The following ERBB4 variants were observed in gnomAD, a reference collection of about 807,000 sequenced individuals.
ERBB4 encodes the protein erb-b2 receptor tyrosine kinase 4, also known as receptor tyrosine-protein kinase erbB-4.
ERBB4 carries 42 observed loss-of-function variants against 158.0 expected under a neutral mutation model. That is an observed-to-expected ratio of 0.27 (90% confidence interval 0.21 to 0.34). The LOEUF (loss-of-function observed/expected upper bound fraction) is 0.34, where lower values mean the gene tolerates loss of function less well. Ranked by LOEUF, ERBB4 falls within the 10% of genes least tolerant of loss-of-function variation. The probability of loss-of-function intolerance (pLI) is 1.00; values close to 1 mark genes in which losing one functional copy is unlikely to be tolerated. For missense variants in ERBB4, 1,333 were observed against 1,624.1 expected, an observed-to-expected ratio of 0.82 and a Z score of 3.08; for synonymous variants, 583 against 558.7, an observed-to-expected ratio of 1.04 and a Z score of -0.61.
intron 3 of ERBB4, among the ~76,000 whole-genome samples, chr2:211,867,611 T>C (rs913310398): frequency 1.5e-4 from 23 of 152,196 alleles, no homozygotes; most frequent in Non-Finnish European, 4.4e-5. Flanking sequence ...TTTCTTTATT[T>C]CTTTAAGAGA....
chr2:211,813,931 G>T (rs2076819888), intron 3 of ERBB4, among the ~76,000 whole-genome samples: 1 of 152,052 alleles, frequency 6.6e-6, no homozygotes, highest in Non-Finnish European at 1.5e-5. Context: ...ATGAATATTT[G>T]TGGGAGTATT....
At chr2:211,611,210 C>T (rs2069180425) in intron 19 of ERBB4, among the ~76,000 whole-genome samples, 1 of 152,002 alleles carries the variant, frequency 6.6e-6, no homozygotes, top group Non-Finnish European at 1.5e-5. Flanking sequence ...GAAACTTCAA[C>T]CAATCATATA....
At chr2:211,446,503 TAA>T (rs752865666) in intron 20 of ERBB4, among the ~76,000 whole-genome samples, 17 of 152,204 alleles carry the variant, frequency 1.1e-4, no homozygotes, top group Non-Finnish European at 2.1e-4. Flanking sequence ...TTTCTATATG[TAA>T]AGTCTTTTTA....
chr2:211,676,882 G>T (rs142304019), intron 13 of ERBB4, among the ~76,000 whole-genome samples: 1 of 152,158 alleles, frequency 6.6e-6, no homozygotes, highest in East Asian at 1.9e-4. Context: ...TTGATCTGAG[G>T]TATTTTATGT....
chr2:212,347,064 T>C (rs1209315802), intron 1 of ERBB4, among the ~76,000 whole-genome samples: 1 of 152,136 alleles, frequency 6.6e-6, no homozygotes, highest in East Asian at 1.9e-4. Context: ...TCATATCAGA[T>C]AGGCCTAAGT....
intron 4 of ERBB4, among the ~76,000 whole-genome samples, chr2:211,757,838 GACATGACAGTGGTAGAAACC>G (rs1256786912): frequency 6.6e-6 from 1 of 152,136 alleles, no homozygotes; most frequent in East Asian, 1.9e-4. Context: ...ATTATGAGGG[GACATGACAGTGGTAGAAACC>G]ACAGCTACAA....
intron 2 of ERBB4, among the ~76,000 whole-genome samples, chr2:212,046,741 G>C (rs2077270860): frequency 6.6e-6 from 1 of 152,138 alleles, no homozygotes; most frequent in African/African-American, 2.4e-5. Context: ...AGATGTAATG[G>C]AAAAATTTCT....
At chr2:211,816,505 C>A (rs1422045665) in intron 3 of ERBB4, among the ~76,000 whole-genome samples, 3 of 136,634 alleles carry the variant, frequency 2.2e-5, no homozygotes, top group Admixed American at 1.6e-4. Context: ...CATACCACTG[C>A]ACTCCAGCCT....
At chr2:211,567,791 T>C (rs2125736510) in intron 19 of ERBB4, among the ~76,000 whole-genome samples, 1 of 152,042 alleles carries the variant, frequency 6.6e-6, no homozygotes, top group East Asian at 1.9e-4. Context: ...GCTTGCATTT[T>C]TTTTTTTTTT....
At chr2:211,749,145 C>T (rs899676723) in intron 5 of ERBB4, among the ~76,000 whole-genome samples, 4 of 152,226 alleles carry the variant, frequency 2.6e-5, no homozygotes, top group Admixed American at 6.5e-5. Flanking sequence ...TGAACTACTT[C>T]GTCCAAAGAA....
At chr2:212,505,717 C>T (rs1444634237) in intron 1 of ERBB4, among the ~76,000 whole-genome samples, 3 of 148,710 alleles carry the variant, frequency 2.0e-5, no homozygotes, top group Non-Finnish European at 4.5e-5. Flanking sequence ...GTCAGTGTTG[C>T]CTATAATACA....
chr2:212,437,775 C>A (rs746731753), intron 1 of ERBB4, among the ~76,000 whole-genome samples: 11 of 152,042 alleles, frequency 7.2e-5, no homozygotes, highest in Non-Finnish European at 1.2e-4. Context: ...TTTGTCCACA[C>A]CATTCTGTTT....
chr2:211,547,021 G>A (rs934468615), intron 20 of ERBB4, among the ~76,000 whole-genome samples: 2 of 152,008 alleles, frequency 1.3e-5, no homozygotes, highest in Admixed American at 1.3e-4. Context: ...ATCTACACAC[G>A]TGATAAAACT....
chr2:211,579,852 G>C (rs1420987392), intron 19 of ERBB4, among the ~76,000 whole-genome samples: 1 of 152,074 alleles, frequency 6.6e-6, no homozygotes. Flanking sequence ...TGCATGCTGG[G>C]CTTAATACCT....
intron 2 of ERBB4, among the ~76,000 whole-genome samples, chr2:212,029,301 T>C (rs1168489929): frequency 1.3e-5 from 2 of 152,024 alleles, no homozygotes; most frequent in Non-Finnish European, 2.9e-5. Flanking sequence ...TCTACCTCCA[T>C]CTTGCCCTTG....
chr2:211,782,776 C>A (rs2076068430), intron 4 of ERBB4, among the ~76,000 whole-genome samples: 1 of 152,102 alleles, frequency 6.6e-6, no homozygotes, highest in Non-Finnish European at 1.5e-5. Context: ...GTTACTGTAG[C>A]CTTGTAGTAC....
chr2:211,954,955 G>A (rs555807160), intron 2 of ERBB4, among the ~76,000 whole-genome samples: 1 of 152,120 alleles, frequency 6.6e-6, no homozygotes, highest in African/African-American at 2.4e-5. Flanking sequence ...GTTTGCTTTG[G>A]AATTCTGCGT....
At chr2:211,394,966 A>G (rs562354502) in intron 25 of ERBB4, among the ~76,000 whole-genome samples, 1 of 152,252 alleles carries the variant, frequency 6.6e-6, no homozygotes, top group Admixed American at 6.5e-5. Flanking sequence ...AAAAAGAAGA[A>G]TAGGGGTATA....
chr2:211,436,178 T>G (rs953756402), intron 20 of ERBB4, among the ~76,000 whole-genome samples: 1 of 152,206 alleles, frequency 6.6e-6, no homozygotes, highest in African/African-American at 2.4e-5. Context: ...AAAACTATTA[T>G]CTGGTGTTTC....
Sources: gnomAD v4.1 joint callset for allele counts (sites outside exome capture counted in the v4.1 genomes callset) on GRCh38, gnomAD v4.1.1 for gene constraint, MANE v1.5 for transcripts, NCBI Gene and HGNC (gene_info 2026-07-23, HGNC 2026-07-21) for gene names.